ETV5: variants seen among roughly 807,000 people sequenced by gnomAD.
The protein encoded by ETV5 is ETS translocation variant 5.
In ETV5, 10 loss-of-function variants were observed where a neutral mutation model predicts 70.0. The observed-to-expected ratio is 0.14, with a 90% confidence interval of 0.09 to 0.24. The LOEUF (loss-of-function observed/expected upper bound fraction) is 0.24. Ranked by LOEUF, ETV5 falls within the 10% of genes least tolerant of loss-of-function variation. The probability of loss-of-function intolerance (pLI) is 1.00; values close to 1 mark genes in which losing one functional copy is unlikely to be tolerated. For missense variants in ETV5, 453 were observed against 651.2 expected (o/e 0.70, Z 3.31); for synonymous variants, 216 against 242.2 (o/e 0.89, Z 1.01).
chr3:186,055,027 T>A (rs1355420168), intron 11 of ETV5, among the ~76,000 whole-genome samples: 1 of 152,238 alleles, frequency 6.6e-6, no homozygotes, highest in Non-Finnish European at 1.5e-5. Context: ...CTTGGCTGCC[T>A]GGCATTTACG....
rs775899250 is a variant in ETV5, at chr3:186,057,323, T to G, written c.1040-79A>C. 1 of 1,607,670 alleles carries G rather than the reference T, an allele frequency of 6.2e-7. No individual in the cohort carries two copies. Among genetic ancestry groups the G allele is most frequent in the Admixed American group, 1.7e-5 (1 of 59,850 alleles). ...GGTTGGGACAAAAAGGAGTTGTTCA[T>G]GCTGATTTAATCACTGGACTTGGGA... On this transcript the variant is annotated intron_variant, in intron 10 of 12. Transcript: ENST00000306376. The surrounding 1 kb of genome is among the most constrained non-coding windows in gnomAD (Gnocchi z 4.9).
chr3:186,105,971 T>G lies in ETV5; in HGVS notation c.-74-29A>C. 1 of 1,450,380 alleles carries G rather than the reference T, an allele frequency of 6.9e-7. No individual in the cohort carries two copies. The highest frequency in any genetic ancestry group is 9.5e-7 in the Non-Finnish European group (1 of 1,057,280). 89.8% of individuals were successfully genotyped at this position (1,450,380 alleles called of 1,614,324 possible). A position where few individuals can be genotyped will look rare whatever the true frequency, so the allele number is the denominator to read the frequency against. On this transcript the variant is annotated intron_variant, in intron 1 of 12. Transcript: ENST00000306376. This position sits in a 1 kb window ranked among gnomAD's most constrained non-coding sequence, Gnocchi z 4.5. ...TAATATGAATTTGGGAGATTTTAAC[T>G]AAGAGGGGGGAAAAAAAGAAATGAA...
chr3:186,087,095 A>G (rs992648801), intron 5 of ETV5, among the ~76,000 whole-genome samples: 1 of 152,360 alleles, frequency 6.6e-6, no homozygotes, highest in Non-Finnish European at 1.5e-5. Flanking sequence ...CATTATAAAG[A>G]TATCGATTCT....
intron 5 of ETV5, among the ~76,000 whole-genome samples, chr3:186,101,984 A>G (rs553158321): frequency 5.3e-5 from 8 of 152,182 alleles, no homozygotes; most frequent in Non-Finnish European, 1.2e-4. Context: ...ACTGATATCT[A>G]TATGTGTGAG....
chr3:186,049,545 T>G (rs1712973445), intron 12 of ETV5, among the ~76,000 whole-genome samples: 1 of 152,162 alleles, frequency 6.6e-6, no homozygotes, highest in South Asian at 2.1e-4. Context: ...TGTTCAGCAA[T>G]AGTACAAGAG....
rs544162527 is a variant in ETV5, at chr3:186,048,092, C to A, written c.*547G>T. The A allele has an allele frequency of 3.2e-4, 76 of 234,204 alleles. 1 individual carries two copies. In the South Asian group the frequency reaches 0.013, roughly 40 times the overall value. The allele number at this position is 234,204 out of a possible 1,614,324, so 14.5% of individuals were successfully genotyped here. The stretch of plus-strand genomic sequence containing the variant: ...GGGGAACAGCTGTTCTGACTGCCCC[C>A]CTTTTTCTAGACAAGGGGTAATATT... On this transcript the variant is annotated 3_prime_UTR_variant, in exon 13 of 13. Coordinates refer to ENST00000306376, the MANE Select transcript of ETV5 (RefSeq NM_004454.3).
intron 5 of ETV5, among the ~76,000 whole-genome samples, chr3:186,091,610 T>C (rs1714184470): frequency 6.6e-6 from 1 of 152,076 alleles, no homozygotes; most frequent in Non-Finnish European, 1.5e-5. Flanking sequence ...GAAAAAAAAC[T>C]ACAGTCAGCA....
intron 5 of ETV5, among the ~76,000 whole-genome samples, chr3:186,100,520 C>A (rs1328065208): frequency 1.3e-5 from 2 of 152,194 alleles, no homozygotes; most frequent in African/African-American, 4.8e-5. Flanking sequence ...ATAATCTCAT[C>A]GTGAAACAGG....
chr3:186,080,238 T>C, intron 6 of ETV5, 134 bp from the exon 7 acceptor site: 1 of 620,150 alleles, frequency 1.6e-6, no homozygotes, highest in Non-Finnish European at 2.5e-6. Context: ...AAATCGCTCG[T>C]AGCCCCGAGG....
At chr3:186,088,254 C>G (rs1363769265) in intron 5 of ETV5, among the ~76,000 whole-genome samples, 1 of 152,232 alleles carries the variant, frequency 6.6e-6, no homozygotes, top group Non-Finnish European at 1.5e-5. Flanking sequence ...ATGACAGAAG[C>G]TGACCAGAGC....
chr3:186,081,714 T>TA (rs1713938498), intron 5 of ETV5, among the ~76,000 whole-genome samples: 1 of 152,210 alleles, frequency 6.6e-6, no homozygotes, highest in South Asian at 2.1e-4. Flanking sequence ...CAGCAAGAAA[T>TA]ACTCAACTTT....
At chr3:186,059,019 AAAAAAATAAAATAAAAAT>A (rs1441887308) in intron 9 of ETV5, among the ~76,000 whole-genome samples, 1 of 151,274 alleles carries the variant, frequency 6.6e-6, no homozygotes, top group Non-Finnish European at 1.5e-5. Flanking sequence ...TCTCAAAAAA[AAAAAAATAAAATAAAAAT>A]AAAAAATAAA....
rs374139611 is a variant in ETV5 at position 186,081,006 on chromosome 3, T to C, written c.362+40A>G. The C allele has an allele frequency of 1.7e-4, 263 of 1,578,134 alleles. 1 individual carries two copies. Among genetic ancestry groups the C allele is most frequent in the Non-Finnish European group, 1.5e-4 (169 of 1,158,780 alleles). ...CAGCTTGATGGCTACTTCCAGAGCC[T>C]TTCTGGGCAGCCTTTCTTCGACTCC... On this transcript the variant is annotated intron_variant, in intron 6 of 12. Transcript: ENST00000306376.
chr3:186,073,343 G>C (rs1396040223), intron 7 of ETV5, among the ~76,000 whole-genome samples: 1 of 152,142 alleles, frequency 6.6e-6, no homozygotes, highest in East Asian at 1.9e-4. Flanking sequence ...AACATTTACT[G>C]AACACCTCTG....
At chr3:186,090,619 T>C (rs557930686) in intron 5 of ETV5, among the ~76,000 whole-genome samples, 3 of 152,288 alleles carry the variant, frequency 2.0e-5, no homozygotes, top group Admixed American at 1.3e-4. Flanking sequence ...TTAGGACAAA[T>C]AGGTTGTCCA....
chr3:186,053,669 C>T (rs909875973), intron 11 of ETV5, among the ~76,000 whole-genome samples: 1 of 152,226 alleles, frequency 6.6e-6, no homozygotes, highest in Non-Finnish European at 1.5e-5. Context: ...CATGTCCCCA[C>T]AGCAGACACG....
Position 186,052,199 on chromosome 3 carries a change from C to T in ETV5, c.1210-68G>A. The T allele has an allele frequency of 6.8e-7, 1 of 1,465,656 alleles. No homozygotes were observed. 90.8% of individuals were successfully genotyped at this position (1,465,656 alleles called of 1,614,324 possible). ...TGGGCCCCATGTTCTCTCCCAATCC[C>T]AGCAGAGCCAGTTCTGTAACCTGAC... is the stretch of plus-strand genomic sequence containing the variant. On this transcript the variant is annotated intron_variant, in intron 11 of 12. Transcript: ENST00000306376. This position sits in a 1 kb window ranked among gnomAD's most constrained non-coding sequence, Gnocchi z 4.5.
At chr3:186,056,034 CAG>C (rs1376965213) in intron 11 of ETV5, among the ~76,000 whole-genome samples, 8 of 152,098 alleles carry the variant, frequency 5.3e-5, no homozygotes, top group Non-Finnish European at 1.0e-4. Flanking sequence ...CTAAATCAAA[CAG>C]AAATTAAAAA....
At chr3:186,103,967 C>G (rs1250987574) in intron 5 of ETV5, among the ~76,000 whole-genome samples, 1 of 152,208 alleles carries the variant, frequency 6.6e-6, no homozygotes, top group Non-Finnish European at 1.5e-5. Flanking sequence ...AAGATACTCT[C>G]TCTCCAGTGG....
Sources: allele counts gnomAD v4.1 joint callset (sites outside exome capture counted in the v4.1 genomes callset), GRCh38; gene constraint gnomAD v4.1.1; non-coding constraint Gnocchi (gnomAD v3.1); transcripts MANE v1.5; gene names NCBI Gene and HGNC (gene_info 2026-07-23, HGNC 2026-07-21).